RALGAPA2: variants seen among roughly 807,000 people sequenced by gnomAD.
The protein encoded by RALGAPA2 is ral GTPase-activating protein subunit alpha-2.
In RALGAPA2, 139 loss-of-function variants were observed where a neutral mutation model predicts 230.4. That is an observed-to-expected ratio of 0.60 (90% confidence interval 0.53 to 0.69). The LOEUF is 0.69. RALGAPA2 is among the 30% of genes least tolerant of loss of function. RALGAPA2 has a pLI of 0.00. For missense variants in RALGAPA2, 2,163 were observed against 2,276.0 expected (o/e 0.95, Z 1.01); for synonymous variants, 847 against 837.8 (o/e 1.01, Z -0.19).
rs958020975 is a variant in RALGAPA2, at chr20:20,520,773, G to A, written c.4084+144C>T. The A allele has an allele frequency of 8.8e-6, 5 of 569,640 alleles. No homozygotes were observed. The Admixed American group carries it at 1.8e-4, about 21-fold the overall frequency. The allele number at this position is 569,640 out of a possible 1,614,324, so 35.3% of individuals were successfully genotyped here. ...GGAGAAAAAAAGAAGAAACAAGGAA[G>A]GCAGAATTTGCCATCACAGAGGACT... On this transcript the variant is annotated intron_variant, in intron 31 of 39. Transcript: ENST00000202677.
intron 4 of RALGAPA2, among the ~76,000 whole-genome samples, chr20:20,644,327 C>A (rs1313257581): frequency 6.6e-6 from 1 of 152,098 alleles, no homozygotes; most frequent in African/African-American, 2.4e-5. Flanking sequence ...TTACTTAGAT[C>A]CTCTGATGAA....
intron 11 of RALGAPA2, 93 bp from the exon 12 acceptor site, chr20:20,619,507 A>G: frequency 1.0e-6 from 1 of 994,038 alleles, no homozygotes; most frequent in Non-Finnish European, 1.3e-6. Context: ...TATATAAACT[A>G]AGTTATATTT....
Position 20,505,539 on chromosome 20 carries a change from A to G in RALGAPA2, c.4929-5T>C. On this transcript the variant is annotated splice_polypyrimidine_tract_variant and splice_region_variant and intron_variant, in intron 33 of 39. Transcript: ENST00000202677. ...GCGATTTTGTGTGTCTCACGGCTAT[A>G]AATTTTTAAATTTAAAGGAGTTAGA... 1 of 1,554,018 alleles carries G rather than the reference A, an allele frequency of 6.4e-7. No individual in the cohort carries two copies. The highest frequency in any genetic ancestry group is 8.7e-7 in the Non-Finnish European group (1 of 1,154,020).
At chr20:20,544,458 C>T (rs1052034956) in intron 24 of RALGAPA2, among the ~76,000 whole-genome samples, 3 of 151,984 alleles carry the variant, frequency 2.0e-5, no homozygotes, top group African/African-American at 7.2e-5. Flanking sequence ...GACAGGGTGG[C>T]GATTCCTCAA....
chr20:20,641,691 G>GA (rs995945529), intron 5 of RALGAPA2, among the ~76,000 whole-genome samples: 3 of 151,288 alleles, frequency 2.0e-5, no homozygotes, highest in African/African-American at 7.3e-5. Flanking sequence ...AAAAGAGGTT[G>GA]AAAAAATGTC....
chr20:20,605,064 G>A (rs555409215), intron 15 of RALGAPA2, 111 bp downstream of exon 15: 2 of 811,136 alleles, frequency 2.5e-6, no homozygotes, highest in East Asian at 5.3e-5. Flanking sequence ...AAGACACTGT[G>A]TAGTTGGTTC....
intron 37 of RALGAPA2, among the ~76,000 whole-genome samples, chr20:20,436,214 C>T (rs2060609257): frequency 6.6e-6 from 1 of 152,186 alleles, no homozygotes; most frequent in African/African-American, 2.4e-5. Flanking sequence ...CAGCAGCCTC[C>T]AGCATACAGT....
chr20:20,447,858 G>A (rs2060899707), intron 37 of RALGAPA2, among the ~76,000 whole-genome samples: 1 of 152,168 alleles, frequency 6.6e-6, no homozygotes, highest in Non-Finnish European at 1.5e-5. Context: ...CGCATCCTCA[G>A]TGTAGCCAGC....
Position 20,619,334 on chromosome 20 carries a change from C to A in RALGAPA2, c.1482G>T (p.Gly494=), listed in dbSNP as rs1414876868. 3 of 1,612,522 alleles carry A rather than the reference C, an allele frequency of 1.9e-6. No individual in the cohort carries two copies. The change falls in exon 12 of 40, where the codon GGG becomes GGT. Residue 494 remains glycine, a synonymous_variant. Transcript: ENST00000202677. ...TTGTATTTTCCTCCTCTGTCACACA[C>A]CCTCTGCTCATTGCACTTGTGAAGG... ...TYSFTSAMSR[G]CVTEEENTNV...
At chr20:20,529,866 C>T (rs1414425283) in intron 27 of RALGAPA2, among the ~76,000 whole-genome samples, 1 of 152,154 alleles carries the variant, frequency 6.6e-6, no homozygotes, top group African/African-American at 2.4e-5. Context: ...CAATCTAACA[C>T]ACCGAGTTAT....
At position 20,505,547 on chromosome 20, in the gene RALGAPA2, A is replaced by T. The variant is rs13042035; in HGVS notation, c.4929-13T>A. 6.5e-7 allele frequency: 1 copy of T among 1,549,072 alleles called. No homozygotes were observed. The highest frequency in any genetic ancestry group is 8.7e-7 in the Non-Finnish European group (1 of 1,151,204). On this transcript the variant is annotated splice_polypyrimidine_tract_variant and intron_variant, in intron 33 of 39. Coordinates refer to ENST00000202677, the MANE Select transcript of RALGAPA2 (RefSeq NM_020343.4). ...GTGTGTCTCACGGCTATAAATTTTT[A>T]AATTTAAAGGAGTTAGAATTCTTAT...
chr20:20,472,509 G>C (rs1485110963), intron 37 of RALGAPA2: 1 of 172,186 alleles, frequency 5.8e-6, no homozygotes, highest in East Asian at 1.6e-4. Flanking sequence ...CCACAAATAA[G>C]AGGGATACAG....
chr20:20,595,183 A>C (rs742980), intron 16 of RALGAPA2, among the ~76,000 whole-genome samples: 4,207 of 152,176 alleles, frequency 0.028, 225 homozygotes, highest in African/African-American at 0.097. Context: ...TTTTCACAGC[A>C]ATTTCACTCA....
At chr20:20,496,560 T>C (rs2062211155) in intron 35 of RALGAPA2, among the ~76,000 whole-genome samples, 4 of 152,224 alleles carry the variant, frequency 2.6e-5, no homozygotes, top group African/African-American at 9.6e-5. Context: ...ATTTCTTGCT[T>C]CCTTATCTAA....
At chr20:20,645,697 T>C (rs2067189509) in intron 4 of RALGAPA2, among the ~76,000 whole-genome samples, 1 of 152,222 alleles carries the variant, frequency 6.6e-6, no homozygotes, top group Admixed American at 6.5e-5. Context: ...ATAAGTCAGA[T>C]TCAGAAGCTA....
chr20:20,623,256 G>C (rs2066377001), intron 10 of RALGAPA2, among the ~76,000 whole-genome samples: 1 of 152,114 alleles, frequency 6.6e-6, no homozygotes, highest in South Asian at 2.1e-4. Flanking sequence ...ATGGACGGGG[G>C]AGGCTGAAAG....
Position 20,591,285 on chromosome 20 carries a change from C to T in RALGAPA2, c.2233G>A (p.Ala745Thr), listed in dbSNP as rs2065282976. The T allele has an allele frequency of 6.2e-7, 1 of 1,613,884 alleles. No individual in the cohort carries two copies. Among genetic ancestry groups the T allele is most frequent in the Non-Finnish European group, 8.5e-7 (1 of 1,179,832 alleles). ...EVEECQQSEN[A>T]PAAGSGHLTV... Reference sequence around the variant, plus strand: ...AGATGGCCAGATCCGGCTGCAGGTGCATTTTCTGACTGTTGACACTCCTCC... The same window carrying T: ...AGATGGCCAGATCCGGCTGCAGGTGTATTTTCTGACTGTTGACACTCCTCC... Residue 745 changes from alanine (A) to threonine (T), a missense_variant, in exon 17 of 40, where the codon GCA (alanine) becomes ACA (threonine). By Grantham distance (58) the Ala-to-Thr change is moderately conservative. Transcript: ENST00000202677.
intron 37 of RALGAPA2, among the ~76,000 whole-genome samples, chr20:20,447,591 C>T (rs900716081): frequency 1.3e-5 from 2 of 151,542 alleles, no homozygotes; most frequent in African/African-American, 2.4e-5. Flanking sequence ...ATTCTCTATG[C>T]TTTGTAATGC....
At chr20:20,487,775 G>T (rs1005882818) in intron 36 of RALGAPA2, among the ~76,000 whole-genome samples, 10 of 152,052 alleles carry the variant, frequency 6.6e-5, no homozygotes, top group African/African-American at 2.4e-4. Flanking sequence ...AGCCAGGCGT[G>T]GTGGCATACG....
Sources: allele counts gnomAD v4.1 joint callset (sites outside exome capture counted in the v4.1 genomes callset), GRCh38; gene constraint gnomAD v4.1.1; transcripts MANE v1.5; gene names NCBI Gene and HGNC (gene_info 2026-07-23, HGNC 2026-07-21).